CRYL1: variants seen among roughly 807,000 people sequenced by gnomAD.
CRYL1 encodes the protein crystallin lambda 1.
Under a neutral mutation model 36.6 loss-of-function variants are expected in CRYL1, and 29 were observed. That is an observed-to-expected ratio of 0.79 (90% CI 0.59 to 1.08). The LOEUF (loss-of-function observed/expected upper bound fraction) is 1.08. Ranked by LOEUF, CRYL1 falls within the 50% of genes least tolerant of loss-of-function variation. The pLI, the probability that CRYL1 is intolerant of heterozygous loss-of-function variation, is 0.00. For synonymous variants in CRYL1, 152 were observed against 151.5 expected (o/e 1.00, Z -0.02); for missense variants, 411 against 407.9 (o/e 1.01, Z -0.06).
intron 3 of CRYL1, among the ~76,000 whole-genome samples, chr13:20,448,843 A>G (rs190057534): frequency 4.2e-4 from 56 of 134,708 alleles, no homozygotes; most frequent in Non-Finnish European, 2.3e-4. Context: ...AGAAAACGTG[A>G]TATCAGACAG....
intron 5 of CRYL1, chr13:20,427,155 T>C: frequency 2.0e-6 from 2 of 985,478 alleles, no homozygotes; most frequent in Non-Finnish European, 2.4e-6. Flanking sequence ...CTTAAAAATG[T>C]AGACTTGAAA....
At chr13:20,509,467 GCA>G (rs1259971321) in intron 2 of CRYL1, among the ~76,000 whole-genome samples, 1 of 152,108 alleles carries the variant, frequency 6.6e-6, no homozygotes, top group Admixed American at 6.5e-5. Context: ...TAGTTTTTAT[GCA>G]CAGAGAGTCG....
chr13:20,474,888 G>T (rs1417198519), intron 3 of CRYL1, among the ~76,000 whole-genome samples: 1 of 152,090 alleles, frequency 6.6e-6, no homozygotes, highest in Non-Finnish European at 1.5e-5. Context: ...CTCAACTCTG[G>T]ATCTTGTGAT....
intron 2 of CRYL1, among the ~76,000 whole-genome samples, chr13:20,492,042 T>C (rs1380627874): frequency 6.6e-6 from 1 of 152,164 alleles, no homozygotes; most frequent in Non-Finnish European, 1.5e-5. Context: ...AAAAGGTTCC[T>C]CTATTAAGGT....
chr13:20,419,552 A>G (rs745826529), intron 5 of CRYL1, among the ~76,000 whole-genome samples: 17 of 151,964 alleles, frequency 1.1e-4, no homozygotes, highest in Non-Finnish European at 1.8e-4. Context: ...TCAGCCTCCC[A>G]AAGTGCTGGG....
chr13:20,464,215 G>A (rs886713944), intron 3 of CRYL1, among the ~76,000 whole-genome samples: 5 of 152,100 alleles, frequency 3.3e-5, no homozygotes, highest in African/African-American at 1.2e-4. Context: ...CCAACATGGT[G>A]AAACCCTATC....
chr13:20,459,180 A>G (rs148388478), intron 3 of CRYL1, among the ~76,000 whole-genome samples: 6,238 of 148,512 alleles, frequency 0.042, 150 homozygotes, highest in Middle Eastern at 0.079. Context: ...AGCTTGCAGT[A>G]AGCCGAGTTC....
At chr13:20,508,456 T>C (rs1253732840) in intron 2 of CRYL1, among the ~76,000 whole-genome samples, 1 of 152,178 alleles carries the variant, frequency 6.6e-6, no homozygotes, top group African/African-American at 2.4e-5. Flanking sequence ...ATTAACGGCT[T>C]TTTTATTATC....
rs2031652749 is a variant in CRYL1, at chr13:20,415,984, C to CT, written c.634-2598dup. ...TGAGCCTTTGGCTAGTCTGGGGCTC[C>CT]TGTGAGCAGGGCAGCCAGGGTCACG... is the stretch of plus-strand genomic sequence containing the variant. On this transcript the variant is annotated intron_variant, in intron 5 of 7. Transcript: ENST00000298248. This position sits in a 1 kb window ranked among gnomAD's most constrained non-coding sequence, Gnocchi z 4.1. 6.6e-6 allele frequency among the ~76,000 whole-genome samples: 1 copy of CT among 152,206 alleles called. No individual in the cohort carries two copies.
chr13:20,422,231 G>A (rs2031834571), intron 5 of CRYL1, among the ~76,000 whole-genome samples: 1 of 152,014 alleles, frequency 6.6e-6, no homozygotes, highest in African/African-American at 2.4e-5. Context: ...ATGGTGGCAT[G>A]CGCCTGTAGT....
At chr13:20,517,244 C>T (rs546536610) in intron 1 of CRYL1, among the ~76,000 whole-genome samples, 2 of 152,198 alleles carry the variant, frequency 1.3e-5, no homozygotes, top group Admixed American at 6.5e-5. Flanking sequence ...CAGTACAGGC[C>T]GAGTGGGCCT....
chr13:20,439,945 C>T, intron 3 of CRYL1, 191 bp from the exon 4 acceptor site: 1 of 561,088 alleles, frequency 1.8e-6, no homozygotes. Flanking sequence ...TGCCCTTCTG[C>T]TCTCTCCTCC....
chr13:20,436,969 G>A (rs1221947076), intron 4 of CRYL1, among the ~76,000 whole-genome samples: 5 of 152,134 alleles, frequency 3.3e-5, no homozygotes, highest in Admixed American at 1.3e-4. Flanking sequence ...TGTAGGGACT[G>A]CCTGTCCAGT....
chr13:20,474,400 G>A (rs1477785812), intron 3 of CRYL1, among the ~76,000 whole-genome samples: 1 of 152,080 alleles, frequency 6.6e-6, no homozygotes, highest in African/African-American at 2.4e-5. Context: ...GAGCTGGGAG[G>A]AGAGAGCCAT....
intron 5 of CRYL1, among the ~76,000 whole-genome samples, chr13:20,420,675 C>A: frequency 8.4e-6 from 1 of 119,462 alleles, no homozygotes; most frequent in African/African-American, 3.0e-5. Flanking sequence ...GGAGTTTTTC[C>A]CTTTGACTTT....
At chr13:20,522,641 G>A (rs556624894) in intron 1 of CRYL1, among the ~76,000 whole-genome samples, 5 of 152,104 alleles carry the variant, frequency 3.3e-5, no homozygotes, top group Admixed American at 6.6e-5. Context: ...AACTTTTCCT[G>A]GAGGAGACAG....
At chr13:20,430,909 G>A in intron 5 of CRYL1, 1 of 985,292 alleles carries the variant, frequency 1.0e-6, no homozygotes, top group East Asian at 1.1e-4. Context: ...CCTTGACACT[G>A]ACTGATATTC....
At chr13:20,450,816 G>A (rs2032554674) in intron 3 of CRYL1, among the ~76,000 whole-genome samples, 2 of 152,092 alleles carry the variant, frequency 1.3e-5, no homozygotes. Context: ...CAACCCAAAT[G>A]TCCATCAAGG....
At chr13:20,489,319 G>A in intron 3 of CRYL1, 51 bp downstream of exon 3, 1 of 1,606,302 alleles carries the variant, frequency 6.2e-7, no homozygotes, top group Non-Finnish European at 8.5e-7. Context: ...GGAGAGGCTG[G>A]GAGACAATGT....
Sources: gnomAD v4.1 joint callset for allele counts (sites outside exome capture counted in the v4.1 genomes callset) on GRCh38, gnomAD v4.1.1 for gene constraint, Gnocchi (gnomAD v3.1) non-coding constraint, MANE v1.5 for transcripts, NCBI Gene and HGNC (gene_info 2026-07-23, HGNC 2026-07-21) for gene names.